PRDM10: variants seen among roughly 807,000 people sequenced by gnomAD.
The protein encoded by PRDM10 is PR/SET domain 10, also known as PR domain zinc finger protein 10.
PRDM10 carries 65 observed loss-of-function variants against 133.1 expected under a neutral mutation model. The observed-to-expected ratio is 0.49, with a 90% CI of 0.40 to 0.60. PRDM10 has a LOEUF of 0.60. Among genes scored for constraint, PRDM10 ranks in the 20% least tolerant of loss-of-function variants. The pLI is 0.00. For missense variants in PRDM10, 1,137 were observed against 1,507.1 expected, an observed-to-expected ratio of 0.75 and a Z score of 4.07; for synonymous variants, 582 against 580.4, an observed-to-expected ratio of 1.00 and a Z score of -0.04.
intron 1 of PRDM10, among the ~76,000 whole-genome samples, chr11:129,991,600 C>A (rs532001944): frequency 2.6e-4 from 39 of 152,170 alleles, no homozygotes; most frequent in Non-Finnish European, 4.4e-4. Flanking sequence ...GGGTGGATCA[C>A]CTGAGGTCAG....
intron 17 of PRDM10, chr11:129,914,500 T>C (rs1329723370): frequency 1.4e-6 from 1 of 729,360 alleles, no homozygotes; most frequent in Non-Finnish European, 2.3e-6. Context: ...TAAAATTTCC[T>C]GACTACTATA....
chr11:129,917,653 T>C (rs1950398815), intron 14 of PRDM10, among the ~76,000 whole-genome samples: 1 of 152,250 alleles, frequency 6.6e-6, no homozygotes, highest in Non-Finnish European at 1.5e-5. Context: ...GAATTTTAAA[T>C]ATTGCTCTAT....
rs1949813881 is a variant in PRDM10 at position 129,900,402 on chromosome 11, G to C, written c.*1911C>G. On this transcript the variant is annotated 3_prime_UTR_variant, in exon 21 of 21. Transcript: ENST00000360871. ...AACTTAGAAGGGAAAGCAACAAAGA[G>C]GTCCTTCCACAATATTTTCCTCTGT... 1 of 152,754 alleles carries C rather than the reference G, an allele frequency of 6.5e-6. No homozygotes were observed. The highest frequency in any genetic ancestry group is 1.5e-5 in the Non-Finnish European group (1 of 68,020). The allele number at this position is 152,754 out of a possible 1,614,324, so 9.5% of individuals were successfully genotyped here. A position where few individuals can be genotyped will look rare whatever the true frequency, so the allele number is the denominator to read the frequency against.
At chr11:129,946,934 T>C (rs1268753648) in intron 5 of PRDM10, among the ~76,000 whole-genome samples, 1 of 152,102 alleles carries the variant, frequency 6.6e-6, no homozygotes, top group Non-Finnish European at 1.5e-5. Flanking sequence ...TCTGAGCTTG[T>C]TTACTCATCA....
At chr11:129,991,689 C>T (rs1159043290) in intron 1 of PRDM10, among the ~76,000 whole-genome samples, 5 of 152,100 alleles carry the variant, frequency 3.3e-5, no homozygotes, top group East Asian at 3.9e-4. Context: ...CGTAGTGGCA[C>T]GCGCCTGCAA....
chr11:129,914,922 T>A lies in PRDM10; in HGVS notation c.2623A>T (p.Thr875Ser). The A allele has an allele frequency of 6.2e-7, 1 of 1,614,086 alleles. No homozygotes were observed. Residue 875 changes from threonine (T) to serine (S), a missense_variant, in exon 17 of 21, where the codon ACC becomes TCC. Thr to Ser is a moderately conservative substitution (Grantham distance 58, BLOSUM62 1). This residue lies in a region of PRDM10 where 113 missense variants were observed against 143.7 expected (regional missense o/e 0.79). Coordinates refer to ENST00000360871, the MANE Select transcript of PRDM10 (RefSeq NM_199437.2). ...CTGTCTGTAGTCAAAACCGCTGGGG[T>A]GGCACTGATCACAGCTGTCGTCAGT... ...TPLTTAVISATPAVLTTDSAT... is the reference protein window; with the variant it reads ...TPLTTAVISASPAVLTTDSAT...
At chr11:129,911,842 G>C (rs893136537) in intron 18 of PRDM10, among the ~76,000 whole-genome samples, 1 of 152,188 alleles carries the variant, frequency 6.6e-6, no homozygotes, top group Non-Finnish European at 1.5e-5. Flanking sequence ...TGAAAGCAAA[G>C]ACCACTGTTG....
intron 1 of PRDM10, among the ~76,000 whole-genome samples, chr11:130,000,033 C>T (rs78073523): frequency 0.03 from 4,527 of 150,914 alleles, 191 homozygotes; most frequent in African/African-American, 0.091. Context: ...TTTTTTCACT[C>T]GCTTCTAAAT....
intron 1 of PRDM10, among the ~76,000 whole-genome samples, chr11:129,983,861 C>T (rs1303303517): frequency 6.6e-6 from 1 of 152,134 alleles, no homozygotes. Flanking sequence ...TTCCGAAGTC[C>T]GCCATTATGT....
In PRDM10 at chr11:129,961,003, G is replaced by C. The variant is rs1304252994; in HGVS notation, c.-39C>G. ...GACAGCTCCACGTCTGGCACACCTA[G>C]AGCAGCACAGGGTACAGGACAGTCA... On this transcript the variant is annotated 5_prime_UTR_variant, in exon 2 of 21. Coordinates refer to ENST00000360871, the MANE Select transcript of PRDM10 (RefSeq NM_199437.2). The C allele has an allele frequency of 1.9e-6, 3 of 1,595,688 alleles. No homozygotes were observed. Among genetic ancestry groups the C allele is most frequent in the Non-Finnish European group, 2.6e-6 (3 of 1,163,754 alleles).
At chr11:129,954,897 G>T (rs138240960) in intron 4 of PRDM10, among the ~76,000 whole-genome samples, 1 of 152,220 alleles carries the variant, frequency 6.6e-6, no homozygotes, top group East Asian at 1.9e-4. Flanking sequence ...GGTCTCAAAC[G>T]ATTCTCCCAC....
At position 129,999,639 on chromosome 11, in the gene PRDM10, G is replaced by A. The variant is rs11828994; in HGVS notation, c.-119+3083C>T. ...TTACCAGATATAATTACGCGGTTAC[G>A]AGGTGTTTACCAGTGCTTAAAATGA... is the stretch of plus-strand genomic sequence containing the variant. On this transcript the variant is annotated intron_variant, in intron 1 of 20. Transcript: ENST00000360871. Among the ~76,000 whole-genome samples, 992 of 152,246 alleles carry A rather than the reference G, an allele frequency of 6.5e-3. 8 individuals carry two copies. The highest frequency in any genetic ancestry group is 0.022 in the African/African-American group (900 of 41,522).
intron 1 of PRDM10, among the ~76,000 whole-genome samples, chr11:129,991,236 T>C (rs925357857): frequency 6.6e-6 from 1 of 152,232 alleles, no homozygotes; most frequent in Admixed American, 6.5e-5. Flanking sequence ...AAAAGACTTA[T>C]TCTCAATTAA....
chr11:129,985,794 AAAAAAAAAAAAAAAAAT>A lies in PRDM10; in HGVS notation c.-119+16911_-119+16927del, dbSNP rs1460021677. 2.1e-4 allele frequency among the ~76,000 whole-genome samples: 26 copies of A among 126,006 alleles called. 1 individual carries two copies. The highest frequency in any genetic ancestry group is 7.4e-4 in the East Asian group (3 of 4,064). 82.7% of individuals were successfully genotyped at this position (126,006 alleles called of 152,430 possible). A position where few individuals can be genotyped will look rare whatever the true frequency, so the allele number is the denominator to read the frequency against. On this transcript the variant is annotated intron_variant, in intron 1 of 20. Transcript: ENST00000360871. ...CAAACCCTGTCCAAAAAAAAAAAAA[AAAAAAAAAAAAAAAAAT>A]ATATATATATATATATATATATGTA... is the stretch of plus-strand genomic sequence containing the variant.
At chr11:129,935,336 T>A in intron 8 of PRDM10, 118 bp from the exon 9 acceptor site, 1 of 717,790 alleles carries the variant, frequency 1.4e-6, no homozygotes, top group South Asian at 1.7e-5. Flanking sequence ...CATAACTATA[T>A]AGTATCTGCT....
At position 129,955,527 on chromosome 11, in the gene PRDM10, A is replaced by G; in HGVS notation, c.279T>C (p.Asp93=). ...AGTTCGTTACCTGCTGAGCTGTAGC[A>G]TCCTGTTGGACATAAGCTACCTGGC... The part of the protein sequence containing the change: ...DPGQVAYVQQ[D]ATAQQASLPV... Residue 93 remains aspartate (D), a synonymous_variant, in exon 4 of 21, where the codon GAT becomes GAC. Coordinates refer to ENST00000360871, the MANE Select transcript of PRDM10 (RefSeq NM_199437.2). 3 of 1,614,120 alleles carry G rather than the reference A, an allele frequency of 1.9e-6. No homozygotes were observed. The highest frequency in any genetic ancestry group is 2.5e-6 in the Non-Finnish European group (3 of 1,180,012).
chr11:129,947,002 G>T lies in PRDM10; in HGVS notation c.520+143C>A. 2 of 1,140,716 alleles carry T rather than the reference G, an allele frequency of 1.8e-6. No individual in the cohort carries two copies. The highest frequency in any genetic ancestry group is 1.5e-5 in the South Asian group (1 of 67,106). The allele number at this position is 1,140,716 out of a possible 1,614,324, so 70.7% of individuals were successfully genotyped here. On this transcript the variant is annotated intron_variant, in intron 5 of 20. Transcript: ENST00000360871. This position sits in a 1 kb window ranked among gnomAD's most constrained non-coding sequence, Gnocchi z 4.6. ...AAGGGCTGCAGTGAAGGCCAGGTGGGATGAAGCAAGCAGAGAATGTAGCAC... is the reference window on the plus strand; with the variant it reads ...AAGGGCTGCAGTGAAGGCCAGGTGGTATGAAGCAAGCAGAGAATGTAGCAC...
chr11:129,963,180 A>G (rs1951829402), intron 1 of PRDM10, among the ~76,000 whole-genome samples: 1 of 151,942 alleles, frequency 6.6e-6, no homozygotes, highest in Non-Finnish European at 1.5e-5. Context: ...AATAAATGTC[A>G]CCAATCATCT....
Position 129,900,152 on chromosome 11 carries a change from T to C in PRDM10, c.*2161A>G, listed in dbSNP as rs975424234. 9 of 152,350 alleles carry C rather than the reference T, an allele frequency of 5.9e-5. No individual in the cohort carries two copies. The highest frequency in any genetic ancestry group is 2.6e-4 in the Admixed American group (4 of 15,284). 9.4% of individuals were successfully genotyped at this position (152,350 alleles called of 1,614,324 possible). ...ATCCACACTGGCTACATACATGTTT[T>C]CCAAATTAAGTTTTCTGATGGCTCA... On this transcript the variant is annotated 3_prime_UTR_variant, in exon 21 of 21. Coordinates refer to ENST00000360871, the MANE Select transcript of PRDM10 (RefSeq NM_199437.2).
Sources: gnomAD v4.1 joint callset for allele counts (sites outside exome capture counted in the v4.1 genomes callset) on GRCh38, gnomAD v4.1.1 for gene constraint, gnomAD v4.1.1 regional missense constraint, Gnocchi (gnomAD v3.1) non-coding constraint, MANE v1.5 for transcripts, NCBI Gene and HGNC (gene_info 2026-07-23, HGNC 2026-07-21) for gene names.